The following SORT1 variants were observed in gnomAD, a reference collection of about 807,000 sequenced individuals.
SORT1 encodes the protein sortilin 1.
SORT1 carries 39 observed loss-of-function variants against 101.7 expected under a neutral mutation model. The ratio of observed to expected loss-of-function variants is 0.38; its 90% CI spans 0.30 to 0.50. The LOEUF (loss-of-function observed/expected upper bound fraction) is 0.50. Among genes scored for constraint, SORT1 ranks in the 20% least tolerant of loss-of-function variants. The probability of loss-of-function intolerance (pLI) is 0.90; values close to 1 mark genes in which losing one functional copy is unlikely to be tolerated. For missense variants in SORT1, 878 were observed against 1,040.4 expected (o/e 0.84, Z 2.15); for synonymous variants, 396 against 393.7 (o/e 1.01, Z -0.07).
intron 1 of SORT1, among the ~76,000 whole-genome samples, chr1:109,383,264 AAAG>A (rs1230224704): frequency 6.6e-6 from 1 of 152,170 alleles, no homozygotes; most frequent in Non-Finnish European, 1.5e-5. Flanking sequence ...TTTGACAAGC[AAAG>A]AAGGAAGTGA....
At chr1:109,352,523 G>A (rs1014995499) in intron 5 of SORT1, among the ~76,000 whole-genome samples, 19 of 152,136 alleles carry the variant, frequency 1.2e-4, no homozygotes, top group African/African-American at 4.6e-4. Flanking sequence ...CAGTGGAGAT[G>A]GGACAGAGAT....
At chr1:109,339,067 C>T (rs1479850476) in intron 10 of SORT1, among the ~76,000 whole-genome samples, 4 of 151,874 alleles carry the variant, frequency 2.6e-5, no homozygotes, top group Admixed American at 1.3e-4. Context: ...TTAGTAGAGA[C>T]GGGGTTTCGC....
At position 109,394,998 on chromosome 1, in the gene SORT1, T is replaced by A. The variant is rs563114978; in HGVS notation, c.306+2589A>T. On this transcript the variant is annotated intron_variant, in intron 1 of 19. Coordinates refer to ENST00000256637, the MANE Select transcript of SORT1 (RefSeq NM_002959.7). ...GTCCAAAAATACTAGATCTCTTCAA[T>A]ACAGTTCAGGATTTTTTATGACTTC... Among the ~76,000 whole-genome samples, 163 of 152,200 alleles carry A rather than the reference T, an allele frequency of 1.1e-3. 1 individual carries two copies. The highest frequency in any genetic ancestry group is 3.7e-3 in the African/African-American group (153 of 41,526).
At chr1:109,334,683 C>T (rs1354447190) in intron 11 of SORT1, among the ~76,000 whole-genome samples, 3 of 152,174 alleles carry the variant, frequency 2.0e-5, no homozygotes, top group Non-Finnish European at 2.9e-5. Context: ...TCTCACCACA[C>T]ACACAAAAGA....
At chr1:109,329,500 G>A (rs1050027487) in intron 11 of SORT1, among the ~76,000 whole-genome samples, 1 of 152,098 alleles carries the variant, frequency 6.6e-6, no homozygotes, top group African/African-American at 2.4e-5. Context: ...TGATCCGCCC[G>A]CCTTGGTCTC....
chr1:109,370,772 T>C (rs900619343), intron 1 of SORT1, among the ~76,000 whole-genome samples: 4 of 152,236 alleles, frequency 2.6e-5, no homozygotes, highest in Non-Finnish European at 4.4e-5. Context: ...TTATACTTCT[T>C]GGTACTCCCT....
intron 3 of SORT1, among the ~76,000 whole-genome samples, chr1:109,359,129 A>G (rs1650542329): frequency 6.6e-6 from 1 of 152,208 alleles, no homozygotes; most frequent in Non-Finnish European, 1.5e-5. Context: ...TGAGAAGTCC[A>G]AGATGAAGGT....
intron 3 of SORT1, among the ~76,000 whole-genome samples, chr1:109,358,747 A>C (rs1192409030): frequency 6.6e-6 from 1 of 151,936 alleles, no homozygotes; most frequent in Non-Finnish European, 1.5e-5. Context: ...CCTGCTACTC[A>C]GGAGGCTGAG....
At chr1:109,376,902 G>C (rs902636870) in intron 1 of SORT1, among the ~76,000 whole-genome samples, 1 of 152,082 alleles carries the variant, frequency 6.6e-6, no homozygotes, top group African/African-American at 2.4e-5. Context: ...CTTTCAAAAA[G>C]GAAAAGTTCT....
intron 19 of SORT1, 88 bp downstream of exon 19, chr1:109,314,172 CA>C: frequency 5.6e-6 from 9 of 1,595,788 alleles, no homozygotes; most frequent in Non-Finnish European, 6.0e-6. Flanking sequence ...TTGGCCCTGG[CA>C]TATCTTGATC....
intron 2 of SORT1, 143 bp from the exon 3 acceptor site, chr1:109,367,624 C>A: frequency 1.9e-6 from 1 of 533,568 alleles, no homozygotes. Context: ...GATCTAGTTA[C>A]TAGGGCTGAG....
At chr1:109,352,633 C>T (rs1483459334) in intron 5 of SORT1, among the ~76,000 whole-genome samples, 1 of 152,200 alleles carries the variant, frequency 6.6e-6, no homozygotes, top group Non-Finnish European at 1.5e-5. Context: ...TTTTTCTCCC[C>T]TGGTAATACT....
chr1:109,384,741 A>G (rs1465770669), intron 1 of SORT1, among the ~76,000 whole-genome samples: 1 of 152,168 alleles, frequency 6.6e-6, no homozygotes, highest in African/African-American at 2.4e-5. Flanking sequence ...GCAGAGGATC[A>G]TCCCATGGCA....
At chr1:109,341,943 A>G in intron 9 of SORT1, 71 bp downstream of exon 9, 1 of 1,424,510 alleles carries the variant, frequency 7.0e-7, no homozygotes, top group Non-Finnish European at 9.9e-7. Context: ...AAAACTCGAC[A>G]TGTAAAAATA....
At chr1:109,343,584 AC>A (rs1649374005) in intron 8 of SORT1, among the ~76,000 whole-genome samples, 1 of 152,124 alleles carries the variant, frequency 6.6e-6, no homozygotes, top group African/African-American at 2.4e-5. Context: ...AGATTCATAT[AC>A]CCAAATGCTC....
chr1:109,331,259 G>T (rs1648436922), intron 11 of SORT1, among the ~76,000 whole-genome samples: 1 of 152,128 alleles, frequency 6.6e-6, no homozygotes, highest in African/African-American at 2.4e-5. Context: ...ATATTAAACA[G>T]ATTATATACC....
At chr1:109,383,923 C>A (rs139640148) in intron 1 of SORT1, among the ~76,000 whole-genome samples, 1 of 152,142 alleles carries the variant, frequency 6.6e-6, no homozygotes, top group Non-Finnish European at 1.5e-5. Context: ...TCAGTCAACC[C>A]AAATTTTATT....
chr1:109,314,355 T>TGCA lies in SORT1; in HGVS notation c.2384_2386dup (p.Leu795dup), dbSNP rs1557775192. ...CACACCATTGGCCTCTGCATGCTGC[T>TGCA]GCAGCACAGAGTATCGATGCACCAG... On this transcript the variant is annotated inframe_insertion, in exon 19 of 20. Transcript: ENST00000256637. The TGCA allele has an allele frequency of 6.2e-7, 1 of 1,614,022 alleles. No homozygotes were observed. Among genetic ancestry groups the TGCA allele is most frequent in the Non-Finnish European group, 8.5e-7 (1 of 1,179,966 alleles).
At chr1:109,375,541 C>CAAAAAAAAAAAAAAAAAAAAA (rs57014091) in intron 1 of SORT1, among the ~76,000 whole-genome samples, 2 of 71,074 alleles carry the variant, frequency 2.8e-5, no homozygotes, top group East Asian at 3.9e-4. Context: ...GACTCCGTTT[C>CAAAAAAAAAAAAAAAAAAAAA]AAAAAAAAAA....
Sources: allele counts gnomAD v4.1 joint callset (sites outside exome capture counted in the v4.1 genomes callset), GRCh38; gene constraint gnomAD v4.1.1; transcripts MANE v1.5; gene names NCBI Gene and HGNC (gene_info 2026-07-23, HGNC 2026-07-21).